Variants in MKLN1 observed in about 807,000 individuals in gnomAD.
MKLN1 encodes the protein muskelin.
Under a neutral mutation model 99.0 loss-of-function variants are expected in MKLN1, and 18 were observed. The ratio of observed to expected loss-of-function variants is 0.18; its 90% CI spans 0.13 to 0.27. The LOEUF (loss-of-function observed/expected upper bound fraction) is 0.27, where lower values mean the gene tolerates loss of function less well. Ranked by LOEUF, MKLN1 falls within the 10% of genes least tolerant of loss-of-function variation. The pLI, the probability that MKLN1 is intolerant of heterozygous loss-of-function variation, is 1.00. For missense variants in MKLN1, 621 were observed against 875.9 expected (o/e 0.71, Z 3.67); for synonymous variants, 288 against 293.2 (o/e 0.98, Z 0.18).
At chr7:131,180,853 A>T (rs1796368286) in intron 2 of MKLN1, among the ~76,000 whole-genome samples, 1 of 152,202 alleles carries the variant, frequency 6.6e-6, no homozygotes, top group South Asian at 2.1e-4. Flanking sequence ...GAATAATTCC[A>T]TACAGAAAAT....
intron 2 of MKLN1, among the ~76,000 whole-genome samples, chr7:131,201,635 G>A (rs980870675): frequency 4.6e-5 from 7 of 152,250 alleles, no homozygotes; most frequent in African/African-American, 1.4e-4. Context: ...CCAAATGCCT[G>A]CATTTGTTTA....
At chr7:131,218,398 G>A (rs773258075) in intron 3 of MKLN1, among the ~76,000 whole-genome samples, 7 of 152,168 alleles carry the variant, frequency 4.6e-5, no homozygotes, top group Non-Finnish European at 8.8e-5. Flanking sequence ...GTGGACTTAC[G>A]TTAGTTATAT....
At chr7:131,119,830 C>T (rs1217560713) in intron 1 of MKLN1, among the ~76,000 whole-genome samples, 1 of 152,204 alleles carries the variant, frequency 6.6e-6, no homozygotes, top group East Asian at 1.9e-4. Flanking sequence ...TGGCTATTCA[C>T]ATTTGGCTCT....
intron 6 of MKLN1, among the ~76,000 whole-genome samples, chr7:131,403,526 A>G (rs935258210): frequency 1.3e-5 from 2 of 152,208 alleles, no homozygotes; most frequent in African/African-American, 2.4e-5. Context: ...CTTTAGTGCA[A>G]GAGGTCAACT....
At position 131,479,999 on chromosome 7, in the gene MKLN1, C is replaced by T. The variant is rs542905705; in HGVS notation, c.2086+1322C>T. ...TCGTGCCATTGCACTCCAGCCTGGG[C>T]GACAGAGGAAGACTCCATCTCAAAA... On this transcript the variant is annotated intron_variant, in intron 17 of 17. Transcript: ENST00000352689. 6.7e-5 allele frequency among the ~76,000 whole-genome samples: 9 copies of T among 133,456 alleles called. No individual in the cohort carries two copies. In the South Asian group the frequency reaches 1.9e-3, roughly 28 times the overall value. The allele number at this position is 133,456 out of a possible 152,430, so 87.6% of individuals were successfully genotyped here.
intron 12 of MKLN1, among the ~76,000 whole-genome samples, chr7:131,454,244 G>A (rs1220463644): frequency 6.6e-6 from 1 of 152,110 alleles, no homozygotes; most frequent in African/African-American, 2.4e-5. Flanking sequence ...TCTGAAGACG[G>A]ATTGACCATC....
intron 2 of MKLN1, among the ~76,000 whole-genome samples, chr7:131,156,945 A>T (rs1795978102): frequency 6.6e-6 from 1 of 152,158 alleles, no homozygotes; most frequent in Admixed American, 6.6e-5. Context: ...CAGACTCAAG[A>T]TTTGAACCTA....
intron 3 of MKLN1, among the ~76,000 whole-genome samples, chr7:131,236,870 C>T (rs956540142): frequency 6.6e-6 from 1 of 151,946 alleles, no homozygotes; most frequent in African/African-American, 2.4e-5. Context: ...TCCTGTAGTC[C>T]CAGCTACTCA....
chr7:131,132,021 C>A (rs1795559538), intron 1 of MKLN1, among the ~76,000 whole-genome samples: 1 of 152,188 alleles, frequency 6.6e-6, no homozygotes. Context: ...CTGTCTGACT[C>A]CTAAACCTTT....
chr7:131,384,153 A>T (rs186560872), intron 2 of MKLN1, among the ~76,000 whole-genome samples: 1 of 150,892 alleles, frequency 6.6e-6, no homozygotes, highest in South Asian at 2.1e-4. Flanking sequence ...ACTAATTTTC[A>T]TAAGCATTCA....
chr7:131,322,197 G>A (rs1020866000), intron 3 of MKLN1, among the ~76,000 whole-genome samples: 1 of 152,142 alleles, frequency 6.6e-6, no homozygotes, highest in East Asian at 1.9e-4. Context: ...ATTTTGCAGG[G>A]AATCCAAAGC....
intron 8 of MKLN1, among the ~76,000 whole-genome samples, chr7:131,419,548 C>G (rs1795130600): frequency 6.6e-6 from 1 of 152,054 alleles, no homozygotes; most frequent in Non-Finnish European, 1.5e-5. Flanking sequence ...GGCCTCATTA[C>G]AGATATTCTT....
chr7:131,155,369 A>C (rs1363800579), intron 2 of MKLN1, among the ~76,000 whole-genome samples: 3 of 152,206 alleles, frequency 2.0e-5, no homozygotes, highest in Non-Finnish European at 4.4e-5. Context: ...TGTCAAACTT[A>C]ATGTATTCCT....
chr7:131,263,368 T>TAATAATAAA lies in MKLN1; in HGVS notation c.-179+60399_-179+60400insTAAAAATAA, dbSNP rs373239401. Among the ~76,000 whole-genome samples, 302 of 140,404 alleles carry TAATAATAAA rather than the reference T, an allele frequency of 2.2e-3. 1 individual carries two copies. Among genetic ancestry groups the TAATAATAAA allele is most frequent in the Middle Eastern group, 0.011 (3 of 274 alleles). The allele number at this position is 140,404 out of a possible 152,430, so 92.1% of individuals were successfully genotyped here. On this transcript the variant is annotated intron_variant, in intron 3 of 7. Transcript: ENST00000416992. ...TTATTAATAATAATAATAATAATAA[T>TAATAATAAA]AATAAAATTAGCTGGGTGTGGTGGC...
chr7:131,353,632 CCA>C (rs1308643834), intron 1 of MKLN1, among the ~76,000 whole-genome samples: 2 of 151,942 alleles, frequency 1.3e-5, no homozygotes, highest in East Asian at 3.9e-4. Flanking sequence ...TTGCTGAAGT[CCA>C]GTTTTTCAAT....
At chr7:131,269,650 C>T (rs1031246974) in intron 3 of MKLN1, among the ~76,000 whole-genome samples, 24 of 152,282 alleles carry the variant, frequency 1.6e-4, no homozygotes, top group Middle Eastern at 3.4e-3. Context: ...GTCATGACTC[C>T]GTTACTGTTT....
chr7:131,201,191 T>C (rs947975321), intron 2 of MKLN1, among the ~76,000 whole-genome samples: 1 of 152,310 alleles, frequency 6.6e-6, no homozygotes, highest in Non-Finnish European at 1.5e-5. Flanking sequence ...GGCTAACTTT[T>C]GTATTTTTAG....
intron 1 of MKLN1, among the ~76,000 whole-genome samples, chr7:131,115,933 G>A (rs954051693): frequency 1.3e-5 from 2 of 151,890 alleles, no homozygotes; most frequent in Non-Finnish European, 2.9e-5. Flanking sequence ...ATTTCTATTT[G>A]TTTTTATCAC....
intron 3 of MKLN1, chr7:131,203,118 G>A (rs980148091): frequency 2.0e-5 from 3 of 152,172 alleles, no homozygotes; most frequent in Non-Finnish European, 4.4e-5. Flanking sequence ...TTCACATAAT[G>A]TTATTTGATT....
Sources: gnomAD v4.1 joint callset for allele counts (sites outside exome capture counted in the v4.1 genomes callset) on GRCh38, gnomAD v4.1.1 for gene constraint, MANE v1.5 for transcripts, NCBI Gene and HGNC (gene_info 2026-07-23, HGNC 2026-07-21) for gene names.